PLEKHH2: variants seen among roughly 807,000 people sequenced by gnomAD.
The protein encoded by PLEKHH2 is pleckstrin homology, MyTH4 and FERM domain containing H2, also known as pleckstrin homology domain-containing family H member 2.
A neutral mutation model predicts 187.9 loss-of-function variants in PLEKHH2; 129 were observed. The ratio of observed to expected loss-of-function variants is 0.69; its 90% CI spans 0.59 to 0.79. PLEKHH2 has a LOEUF of 0.79. Ranked by LOEUF, PLEKHH2 falls within the 30% of genes least tolerant of loss-of-function variation. The pLI, the probability that PLEKHH2 is intolerant of heterozygous loss-of-function variation, is 0.00. For missense variants in PLEKHH2, 2,076 were observed against 1,751.2 expected, an observed-to-expected ratio of 1.19 and a Z score of -3.31; for synonymous variants, 686 against 605.6, an observed-to-expected ratio of 1.13 and a Z score of -1.95.
Position 43,697,207 on chromosome 2 carries a change from T to C in PLEKHH2, c.539T>C (p.Leu180Pro), listed in dbSNP as rs771558234. Residue 180 changes from leucine (L) to proline (P), a missense_variant, in exon 7 of 30, where the codon CTA becomes CCA. Leu to Pro is a moderately conservative substitution (Grantham distance 98). Transcript: ENST00000282406. ...QGKKSSTVSTLKLSEGQRLSS... is the reference protein window; with the variant it reads ...QGKKSSTVSTPKLSEGQRLSS... ...AAGAAGTCATCCACTGTCTCTACACTAAAGCTTTCGGAAGGCCAGCGCCTG... is the reference window on the plus strand; with the variant it reads ...AAGAAGTCATCCACTGTCTCTACACCAAAGCTTTCGGAAGGCCAGCGCCTG... 1 of 1,612,326 alleles carries C rather than the reference T, an allele frequency of 6.2e-7. No individual in the cohort carries two copies. The highest frequency in any genetic ancestry group is 2.2e-5 in the East Asian group (1 of 44,836).
At position 43,767,826 on chromosome 2, in the gene PLEKHH2, G is replaced by A. The variant is rs1383683027; in HGVS notation, c.*2228G>A. On this transcript the variant is annotated 3_prime_UTR_variant, in exon 30 of 30. Transcript: ENST00000282406. Reference sequence around the variant, plus strand: ...AGGAAATCAATTTTCTGTAACTGATGATGTGAAAATTTTATTTTCTGGGAA... The same window carrying A: ...AGGAAATCAATTTTCTGTAACTGATAATGTGAAAATTTTATTTTCTGGGAA... 1 of 152,724 alleles carries A rather than the reference G, an allele frequency of 6.5e-6. No homozygotes were observed. The highest frequency in any genetic ancestry group is 1.5e-5 in the Non-Finnish European group (1 of 68,022). 9.5% of individuals were successfully genotyped at this position (152,724 alleles called of 1,614,324 possible).
At chr2:43,734,894 G>A (rs1176526343) in intron 19 of PLEKHH2, among the ~76,000 whole-genome samples, 1 of 152,214 alleles carries the variant, frequency 6.6e-6, no homozygotes, top group African/African-American at 2.4e-5. Flanking sequence ...CGGGCCAGTG[G>A]CTCAGGCCTG....
chr2:43,684,506 A>G (rs2104444421), intron 3 of PLEKHH2, among the ~76,000 whole-genome samples: 1 of 152,148 alleles, frequency 6.6e-6, no homozygotes, highest in East Asian at 1.9e-4. Flanking sequence ...AGTATTTTTT[A>G]TTTGTGATTT....
At chr2:43,737,586 G>C (rs563706823) in intron 19 of PLEKHH2, among the ~76,000 whole-genome samples, 1 of 152,270 alleles carries the variant, frequency 6.6e-6, no homozygotes, top group South Asian at 2.1e-4. Flanking sequence ...GATTGGAATG[G>C]GGCTGGAGGA....
chr2:43,714,303 T>C (rs1670109691), intron 15 of PLEKHH2, among the ~76,000 whole-genome samples: 1 of 152,236 alleles, frequency 6.6e-6, no homozygotes, highest in African/African-American at 2.4e-5. Context: ...ATTTCACAAT[T>C]GCATTTTAAA....
At chr2:43,761,458 T>C (rs1036538082) in intron 27 of PLEKHH2, among the ~76,000 whole-genome samples, 1 of 148,712 alleles carries the variant, frequency 6.7e-6, no homozygotes, top group African/African-American at 2.5e-5. Flanking sequence ...TCACACAGGC[T>C]GGAGTGCAGT....
Position 43,765,685 on chromosome 2 carries a change from G to C in PLEKHH2, c.*87G>C, listed in dbSNP as rs894395598. On this transcript the variant is annotated 3_prime_UTR_variant, in exon 30 of 30. Coordinates refer to ENST00000282406, the MANE Select transcript of PLEKHH2 (RefSeq NM_172069.4). ...CAAGTTCGTTTACACCTGGCAGCAC[G>C]GCAGCCACACACCGGTATTCCAAAC... The C allele has an allele frequency of 1.6e-6, 2 of 1,289,876 alleles. No homozygotes were observed. Among genetic ancestry groups the C allele is most frequent in the Non-Finnish European group, 2.1e-6 (2 of 945,528 alleles). The allele number at this position is 1,289,876 out of a possible 1,614,324, so 79.9% of individuals were successfully genotyped here.
intron 2 of PLEKHH2, among the ~76,000 whole-genome samples, chr2:43,665,994 G>A (rs1363370039): frequency 7.0e-6 from 1 of 143,006 alleles, no homozygotes; most frequent in Non-Finnish European, 1.5e-5. Flanking sequence ...AGCTGTGGTG[G>A]GCTCCACCCA....
In PLEKHH2 at chr2:43,738,515, T is replaced by C. The variant is rs1428576389; in HGVS notation, c.3118T>C (p.Leu1040=). 6.2e-7 allele frequency: 1 copy of C among 1,605,294 alleles called. No individual in the cohort carries two copies. Among genetic ancestry groups the C allele is most frequent in the Non-Finnish European group, 8.5e-7 (1 of 1,174,478 alleles). The part of the protein sequence containing the change: ...RRQPQNQPGP[L]QGWQLLALCV... ...ACAGCCACAGAATCAACCAGGACCA[T>C]TGCAGGTAGATATTAATATTGATAC... The change falls in exon 20 of 30, where the codon TTG becomes CTG. Residue 1040 remains leucine, a synonymous_variant. Coordinates refer to ENST00000282406, the MANE Select transcript of PLEKHH2 (RefSeq NM_172069.4).
chr2:43,658,569 G>A (rs558519922), intron 2 of PLEKHH2: 2 of 152,322 alleles, frequency 1.3e-5, no homozygotes, highest in South Asian at 2.1e-4. Flanking sequence ...GGAGCTGGAG[G>A]GTTCACTTTC....
chr2:43,760,263 T>G (rs1672369110), intron 27 of PLEKHH2, among the ~76,000 whole-genome samples: 1 of 152,154 alleles, frequency 6.6e-6, no homozygotes. Context: ...TTGCTCACTT[T>G]TCTTTCTTTA....
At chr2:43,653,530 T>G (rs1390838947) in intron 2 of PLEKHH2, among the ~76,000 whole-genome samples, 1 of 152,026 alleles carries the variant, frequency 6.6e-6, no homozygotes, top group Non-Finnish European at 1.5e-5. Flanking sequence ...CCAGAAGGAG[T>G]GCTTTATTAA....
intron 4 of PLEKHH2, among the ~76,000 whole-genome samples, chr2:43,692,911 T>C (rs1037534352): frequency 1.3e-5 from 2 of 152,108 alleles, no homozygotes; most frequent in Non-Finnish European, 2.9e-5. Context: ...TATTCAAACA[T>C]TTGAGTTTAT....
At chr2:43,716,424 A>T (rs1670212690) in intron 15 of PLEKHH2, among the ~76,000 whole-genome samples, 1 of 152,182 alleles carries the variant, frequency 6.6e-6, no homozygotes, top group Non-Finnish European at 1.5e-5. Context: ...ATTTACTAAG[A>T]GTGGGGAAAA....
At chr2:43,753,878 G>A in intron 25 of PLEKHH2, 118 bp downstream of exon 25, 1 of 907,660 alleles carries the variant, frequency 1.1e-6, no homozygotes, top group Non-Finnish European at 1.5e-6. Context: ...GCTACAATTA[G>A]CACCTTAAAA....
At chr2:43,726,763 T>C (rs1670769089) in intron 17 of PLEKHH2, among the ~76,000 whole-genome samples, 1 of 152,212 alleles carries the variant, frequency 6.6e-6, no homozygotes, top group African/African-American at 2.4e-5. Flanking sequence ...CTCTGTTTTA[T>C]ATTTTTGACT....
At chr2:43,750,356 C>T (rs970077928) in intron 24 of PLEKHH2, among the ~76,000 whole-genome samples, 5 of 152,218 alleles carry the variant, frequency 3.3e-5, no homozygotes, top group Middle Eastern at 6.8e-3. Context: ...CCTGTAGTCC[C>T]GGCTACATGG....
rs1349561487 is a variant in PLEKHH2, at chr2:43,700,116, G to A, written c.1158G>A (p.Leu386=). Residue 386 remains leucine (L), a synonymous_variant, in exon 8 of 30, where the codon CTG becomes CTA. Transcript: ENST00000282406. ...KKEQDSSSDE[L]NKKFQSQRLD... ...AACAAGATAGTTCCTCGGATGAACTGAATAAAAAATTTCAATCCCAGAGAC... is the reference window on the plus strand; with the variant it reads ...AACAAGATAGTTCCTCGGATGAACTAAATAAAAAATTTCAATCCCAGAGAC... 6.2e-7 allele frequency: 1 copy of A among 1,613,984 alleles called. No individual in the cohort carries two copies. The highest frequency in any genetic ancestry group is 8.5e-7 in the Non-Finnish European group (1 of 1,180,006).
chr2:43,764,037 T>C (rs2104632524), intron 28 of PLEKHH2, among the ~76,000 whole-genome samples, 191 bp from the exon 29 acceptor site: 1 of 152,330 alleles, frequency 6.6e-6, no homozygotes, highest in Non-Finnish European at 1.5e-5. Flanking sequence ...TAAAGGTAGA[T>C]GATGCCTAAA....
Sources: gnomAD v4.1 joint callset for allele counts (sites outside exome capture counted in the v4.1 genomes callset) on GRCh38, gnomAD v4.1.1 for gene constraint, MANE v1.5 for transcripts, NCBI Gene and HGNC (gene_info 2026-07-23, HGNC 2026-07-21) for gene names.